The following WASHC2A variants were observed in gnomAD, a reference collection of about 807,000 sequenced individuals.
WASHC2A encodes WASH complex subunit 2A, also known as WASH complex subunit FAM21A.
A neutral mutation model predicts 140.3 loss-of-function variants in WASHC2A; 82 were observed. The ratio of observed to expected loss-of-function variants is 0.58; its 90% CI spans 0.49 to 0.70. The LOEUF is 0.70. Ranked by LOEUF, WASHC2A falls within the 30% of genes least tolerant of loss-of-function variation. The pLI, the probability that WASHC2A is intolerant of heterozygous loss-of-function variation, is 0.00. For missense variants in WASHC2A, 985 were observed against 1,521.8 expected (o/e 0.65, Z 5.87); for synonymous variants, 340 against 560.8 (o/e 0.61, Z 5.56).
rs1372580551 is a variant in WASHC2A at position 50,091,574 on chromosome 10, C to T, written c.931+56C>T. 6.5e-6 allele frequency: 10 copies of T among 1,540,098 alleles called. No individual in the cohort carries two copies. The African/African-American group carries it at 1.2e-4, about 19-fold the overall frequency. ...GGGGGGAGTAGTGCAGGGCCCTCTG[C>T]TGGCTTCACCAAAGGCGGATTTCTC... On this transcript the variant is annotated intron_variant, in intron 10 of 30. Coordinates refer to ENST00000282633, the MANE Select transcript of WASHC2A (RefSeq NM_001005751.3).
chr10:50,121,207 A>G (rs1252809111), intron 23 of WASHC2A, among the ~76,000 whole-genome samples: 1 of 150,318 alleles, frequency 6.7e-6, no homozygotes, highest in Non-Finnish European at 1.5e-5. Flanking sequence ...GAAATGAAGC[A>G]ATCTGTATTT....
Position 50,129,482 on chromosome 10 carries a change from CAG to C in WASHC2A, c.3152_3153del (p.Gln1051ArgfsTer6). 6.2e-7 allele frequency: 1 copy of C among 1,612,050 alleles called. No homozygotes were observed. Among genetic ancestry groups the C allele is most frequent in the South Asian group, 1.1e-5 (1 of 90,994 alleles). On this transcript the variant is annotated frameshift_variant, in exon 29 of 31. Transcript: ENST00000282633. LOFTEE classifies it high-confidence loss of function. ...QTRAARRLAA[Q>X]ESSETEDMSV... is the part of the protein sequence containing the mutation. ...CCGTGCAGCTAGGCGGCTGGCTGCT[CAG>C]GAGTCCAGCGAGACTGAGGACATGA...
chr10:50,118,040 T>C lies in WASHC2A; in HGVS notation c.2277T>C (p.Asp759=), dbSNP rs781957173. 3.1e-6 allele frequency: 5 copies of C among 1,607,714 alleles called. No individual in the cohort carries two copies. Among genetic ancestry groups the C allele is most frequent in the Non-Finnish European group, 3.4e-6 (4 of 1,177,336 alleles). Residue 759 remains aspartate, a synonymous_variant, in exon 22 of 31, where the codon GAT becomes GAC. Coordinates refer to ENST00000282633, the MANE Select transcript of WASHC2A (RefSeq NM_001005751.3). Reference sequence around the variant, plus strand: ...AGTCATTAAAATTTGGGAGAACTGATGTGGCTGAGTCAGAAAAGGTGGACT... The same window carrying C: ...AGTCATTAAAATTTGGGAGAACTGACGTGGCTGAGTCAGAAAAGGTGGACT... ...AKESLKFGRT[D]VAESEKEGLL...
chr10:50,127,493 T>C, intron 27 of WASHC2A, 90 bp from the exon 28 acceptor site: 4 of 1,611,996 alleles, frequency 2.5e-6, no homozygotes, highest in Non-Finnish European at 3.4e-6. Flanking sequence ...TATTATACAT[T>C]ATGTGCACCG....
chr10:50,069,772 A>G, intron 3 of WASHC2A, 61 bp downstream of exon 3: 1 of 1,522,284 alleles, frequency 6.6e-7, no homozygotes, highest in Non-Finnish European at 8.8e-7. Flanking sequence ...GTAATTTTAA[A>G]TAACTTACTG....
chr10:50,100,108 A>G lies in WASHC2A; in HGVS notation c.1635+44A>G, dbSNP rs782119706. ...TAGTTGTGGGTATTAGTCTATGGAT[A>G]TGACATAGAAACTATTTTTGAATCA... On this transcript the variant is annotated intron_variant, in intron 17 of 30. Transcript: ENST00000282633. The G allele has an allele frequency of 8.5e-5, 126 of 1,482,864 alleles. 1 individual carries two copies. The East Asian group carries it at 2.6e-3, about 30-fold the overall frequency. 91.9% of individuals were successfully genotyped at this position (1,482,864 alleles called of 1,614,324 possible).
intron 4 of WASHC2A, 116 bp downstream of exon 4, chr10:50,078,853 C>T (rs1759784017): frequency 1.3e-6 from 2 of 1,597,626 alleles, no homozygotes; most frequent in South Asian, 2.2e-5. Flanking sequence ...GGAGGGACTG[C>T]TCCTGACAGC....
rs545320308 is a variant in WASHC2A, at chr10:50,067,954, A to G, written c.-52A>G. The G allele has an allele frequency of 2.8e-4, 450 of 1,589,500 alleles. 1 individual carries two copies. The African/African-American group carries it at 2.9e-3, about 10-fold the overall frequency. On this transcript the variant is annotated 5_prime_UTR_variant, in exon 1 of 31. Coordinates refer to ENST00000282633, the MANE Select transcript of WASHC2A (RefSeq NM_001005751.3). ...TGGGGCTAGGCTTCCGGGGCTCTGC[A>G]GTCCTCGGCGTGTGCTGGCAGCTTC...
intron 19 of WASHC2A, 137 bp from the exon 20 acceptor site, chr10:50,109,964 G>T: frequency 3.5e-6 from 4 of 1,137,222 alleles, no homozygotes; most frequent in Non-Finnish European, 3.7e-6. Context: ...TAGAGACGGG[G>T]TTTCACCATG....
At chr10:50,090,594 T>C (rs1839843834) in intron 8 of WASHC2A, among the ~76,000 whole-genome samples, 182 bp from the exon 9 acceptor site, 1 of 147,158 alleles carries the variant, frequency 6.8e-6, no homozygotes, top group Non-Finnish European at 1.5e-5. Context: ...TTTCTTAGAT[T>C]CAAAGTAAAT....
chr10:50,079,219 A>G (rs1339161384), intron 4 of WASHC2A, among the ~76,000 whole-genome samples: 3 of 150,808 alleles, frequency 2.0e-5, no homozygotes, highest in Non-Finnish European at 4.4e-5. Context: ...AGTAGCTTTG[A>G]TTTTGTTCTC....
At chr10:50,088,050 C>T (rs1434027462) in intron 8 of WASHC2A, among the ~76,000 whole-genome samples, 3 of 151,710 alleles carry the variant, frequency 2.0e-5, no homozygotes, top group Admixed American at 1.3e-4. Flanking sequence ...AGCTCCTGAC[C>T]TCAGGTAATC....
chr10:50,130,091 T>C (rs931170602), intron 29 of WASHC2A, 52 bp downstream of exon 29: 2 of 1,609,232 alleles, frequency 1.2e-6, no homozygotes, highest in African/African-American at 2.7e-5. Flanking sequence ...GGAAGGTATC[T>C]GATTGGCTTA....
chr10:50,124,863 C>G (rs1174970437), intron 23 of WASHC2A, among the ~76,000 whole-genome samples: 2 of 135,932 alleles, frequency 1.5e-5, no homozygotes, highest in African/African-American at 5.1e-5. Flanking sequence ...ATCTCTAAAG[C>G]TTGTGCATAT....
Position 50,068,193 on chromosome 10 carries a change from G to C in WASHC2A, c.92G>C (p.Ser31Thr). Reference sequence around the variant, plus strand: ...TGGTCGGTGGAGGAGATCCGCAGGAGCAGCCAGAGCTGGTCGCTGGCGGCC... The same window carrying C: ...TGGTCGGTGGAGGAGATCCGCAGGACCAGCCAGAGCTGGTCGCTGGCGGCC... Reference protein sequence around the residue: ...RPWSVEEIRRSSQSWSLAADA... With the variant: ...RPWSVEEIRRTSQSWSLAADA... The change falls in exon 2 of 31, where the codon AGC (serine) becomes ACC (threonine). Residue 31 changes from serine to threonine, a missense_variant. By Grantham distance (58) the Ser-to-Thr change is moderately conservative. Transcript: ENST00000282633. The C allele has an allele frequency of 2.5e-6, 4 of 1,595,324 alleles. No individual in the cohort carries two copies. The highest frequency in any genetic ancestry group is 3.4e-6 in the Non-Finnish European group (4 of 1,171,418).
intron 26 of WASHC2A, chr10:50,126,462 A>G (rs1471443809): frequency 4.9e-5 from 13 of 265,170 alleles, no homozygotes; most frequent in Admixed American, 3.9e-4. Context: ...TCTTCTTCCC[A>G]CTAAAGAATT....
At chr10:50,099,928 T>A in intron 16 of WASHC2A, 50 bp from the exon 17 acceptor site, 6 of 1,449,534 alleles carry the variant, frequency 4.1e-6, no homozygotes, top group Non-Finnish European at 4.7e-6. Flanking sequence ...AATGCTTAAT[T>A]TTTCTTTTTC....
intron 19 of WASHC2A, among the ~76,000 whole-genome samples, chr10:50,109,146 A>G (rs1332485185): frequency 6.6e-6 from 1 of 152,208 alleles, no homozygotes; most frequent in Non-Finnish European, 1.5e-5. Context: ...GAAATTCTGC[A>G]TAATCTGCTG....
chr10:50,124,760 A>G (rs1197432475), intron 23 of WASHC2A, among the ~76,000 whole-genome samples: 3 of 151,166 alleles, frequency 2.0e-5, no homozygotes, highest in Non-Finnish European at 4.4e-5. Context: ...TACCTTCAAA[A>G]TGTTTCTCAT....
Sources: gnomAD v4.1 joint callset for allele counts (sites outside exome capture counted in the v4.1 genomes callset) on GRCh38, gnomAD v4.1.1 for gene constraint, MANE v1.5 for transcripts, NCBI Gene and HGNC (gene_info 2026-07-23, HGNC 2026-07-21) for gene names.